Variants in ANKRD11 observed in about 807,000 individuals in gnomAD.
The protein encoded by ANKRD11 is ankyrin repeat domain-containing protein 11.
Under a neutral mutation model 195.7 loss-of-function variants are expected in ANKRD11, and 17 were observed. That is an observed-to-expected ratio of 0.09 (90% CI 0.06 to 0.13). ANKRD11 has a LOEUF of 0.13. ANKRD11 is among the 10% of genes least tolerant of loss of function. The probability of loss-of-function intolerance (pLI) is 1.00; values close to 1 mark genes in which losing one functional copy is unlikely to be tolerated. For synonymous variants in ANKRD11, 1,953 were observed against 1,528.1 expected, an observed-to-expected ratio of 1.28 and a Z score of -6.49; for missense variants, 3,735 against 3,566.1, an observed-to-expected ratio of 1.05 and a Z score of -1.21.
intron 4 of ANKRD11, chr16:89,300,907 G>A (rs998918241): frequency 1.9e-5 from 13 of 701,142 alleles, no homozygotes; most frequent in African/African-American, 5.2e-5. Context: ...GGCCCATGGC[G>A]CTCCTGACGA....
At chr16:89,357,578 A>G (rs1350790233) in intron 2 of ANKRD11, among the ~76,000 whole-genome samples, 1 of 152,230 alleles carries the variant, frequency 6.6e-6, no homozygotes, top group African/African-American at 2.4e-5. Flanking sequence ...TTCGACGTTC[A>G]CAGTTCACAC....
At chr16:89,290,875 T>C in intron 5 of ANKRD11, 47 bp from the exon 6 acceptor site, 1 of 1,611,146 alleles carries the variant, frequency 6.2e-7, no homozygotes, top group South Asian at 1.1e-5. Context: ...GGGGTGGTCC[T>C]GCTTTGTCCA....
chr16:89,453,737 C>T (rs1172751942), intron 1 of ANKRD11, among the ~76,000 whole-genome samples: 6 of 152,114 alleles, frequency 3.9e-5, no homozygotes, highest in Non-Finnish European at 7.3e-5. Context: ...CAAAAGAGAC[C>T]GGATGCCACT....
At chr16:89,349,406 G>A (rs919649232) in intron 2 of ANKRD11, among the ~76,000 whole-genome samples, 12 of 151,952 alleles carry the variant, frequency 7.9e-5, no homozygotes, top group Non-Finnish European at 1.2e-4. Context: ...CGTGAACCCG[G>A]GAGGCGGAGC....
intron 1 of ANKRD11, among the ~76,000 whole-genome samples, chr16:89,487,639 C>T (rs1220985180): frequency 6.6e-6 from 1 of 151,704 alleles, no homozygotes; most frequent in East Asian, 1.9e-4. Context: ...CCAGGCGTGG[C>T]GGTGGGCGCC....
chr16:89,362,896 C>A (rs971906279), intron 2 of ANKRD11, among the ~76,000 whole-genome samples: 3 of 152,006 alleles, frequency 2.0e-5, no homozygotes, highest in African/African-American at 7.3e-5. Flanking sequence ...GCTAGCCAAT[C>A]GGGACAAATA....
At chr16:89,394,717 T>C (rs746105790) in intron 2 of ANKRD11, among the ~76,000 whole-genome samples, 1 of 152,130 alleles carries the variant, frequency 6.6e-6, no homozygotes, top group African/African-American at 2.4e-5. Context: ...ACTGCTTTCA[T>C]ATACAGGAGT....
At chr16:89,458,642 T>G (rs1345755809) in intron 1 of ANKRD11, among the ~76,000 whole-genome samples, 1 of 152,250 alleles carries the variant, frequency 6.6e-6, no homozygotes, top group African/African-American at 2.4e-5. Context: ...AGTTCAGACA[T>G]GTTCCATTAA....
At chr16:89,342,035 C>CACGA (rs1567674263) in intron 2 of ANKRD11, among the ~76,000 whole-genome samples, 487 of 42,096 alleles carry the variant, frequency 0.012, 5 homozygotes, top group African/African-American at 0.027. Flanking sequence ...CTCCACTGCC[C>CACGA]ACAGCGGCCA....
At chr16:89,440,178 C>T (rs574156127) in intron 1 of ANKRD11, among the ~76,000 whole-genome samples, 5 of 152,186 alleles carry the variant, frequency 3.3e-5, no homozygotes, top group Non-Finnish European at 5.9e-5. Context: ...TGGCAGGGTT[C>T]ACAGGATTCT....
At chr16:89,439,063 A>G (rs1266074750) in intron 1 of ANKRD11, among the ~76,000 whole-genome samples, 3 of 152,122 alleles carry the variant, frequency 2.0e-5, no homozygotes, top group Non-Finnish European at 4.4e-5. Context: ...CAAAAAAAAA[A>G]AAGAACTGTA....
Position 89,291,206 on chromosome 16 carries a change from A to T in ANKRD11, c.227-23T>A. 1 of 1,611,464 alleles carries T rather than the reference A, an allele frequency of 6.2e-7. No homozygotes were observed. The highest frequency in any genetic ancestry group is 8.5e-7 in the Non-Finnish European group (1 of 1,179,848). On this transcript the variant is annotated intron_variant, in intron 4 of 12. Transcript: ENST00000301030. The surrounding 1 kb of genome is among the most constrained non-coding windows in gnomAD (Gnocchi z 5.3). ...TCTCTGTGAGGCGGGCGAGGGAGAGAGGGAGGAGAGATTTCATGCCATGGT... is the reference window on the plus strand; with the variant it reads ...TCTCTGTGAGGCGGGCGAGGGAGAGTGGGAGGAGAGATTTCATGCCATGGT...
At chr16:89,456,056 T>G (rs1056898725) in intron 1 of ANKRD11, among the ~76,000 whole-genome samples, 1 of 151,946 alleles carries the variant, frequency 6.6e-6, no homozygotes, top group African/African-American at 2.4e-5. Flanking sequence ...CTGGCCAACA[T>G]GCTGAAATCC....
At chr16:89,308,662 C>G (rs1019732255) in intron 3 of ANKRD11, among the ~76,000 whole-genome samples, 1 of 152,158 alleles carries the variant, frequency 6.6e-6, no homozygotes, top group African/African-American at 2.4e-5. Flanking sequence ...TTTCCCATGA[C>G]GTGTTCACAA....
intron 2 of ANKRD11, among the ~76,000 whole-genome samples, chr16:89,319,822 A>T (rs562511469): frequency 2.6e-5 from 4 of 152,318 alleles, no homozygotes; most frequent in Admixed American, 1.3e-4. Flanking sequence ...TCAATGAGAG[A>T]CCAGATGAGG....
chr16:89,391,728 TAAG>T (rs2041209296), intron 2 of ANKRD11, among the ~76,000 whole-genome samples: 1 of 152,212 alleles, frequency 6.6e-6, no homozygotes, highest in African/African-American at 2.4e-5. Context: ...AGCACACTTG[TAAG>T]AAGTAAAGCA....
intron 2 of ANKRD11, among the ~76,000 whole-genome samples, chr16:89,365,433 G>C (rs1385394617): frequency 6.6e-6 from 1 of 152,222 alleles, no homozygotes; most frequent in African/African-American, 2.4e-5. Context: ...AGCCCAACCA[G>C]GGTGCAGGGG....
chr16:89,308,777 A>T (rs1328044534), intron 3 of ANKRD11, among the ~76,000 whole-genome samples: 1 of 152,260 alleles, frequency 6.6e-6, no homozygotes, highest in East Asian at 1.9e-4. Flanking sequence ...ATACAAATGG[A>T]ATACCGCAGG....
At position 89,411,328 on chromosome 16, in the gene ANKRD11, G is replaced by A. The variant is rs531775633; in HGVS notation, c.-60+6956C>T. 2.3e-3 allele frequency among the ~76,000 whole-genome samples: 344 copies of A among 151,544 alleles called. 4 individuals are homozygous for A. Among genetic ancestry groups the A allele is most frequent in the African/African-American group, 6.4e-3 (263 of 41,214 alleles). On this transcript the variant is annotated intron_variant, in intron 2 of 12. Coordinates refer to ENST00000301030, the MANE Select transcript of ANKRD11 (RefSeq NM_013275.6). ...TGCCTTCAGAATCCCTGCACACAGC[G>A]GTGGGAAACCTTGACTGCACCGGAA...
Sources: allele counts gnomAD v4.1 joint callset (sites outside exome capture counted in the v4.1 genomes callset), GRCh38; gene constraint gnomAD v4.1.1; non-coding constraint Gnocchi (gnomAD v3.1); transcripts MANE v1.5; gene names NCBI Gene and HGNC (gene_info 2026-07-23, HGNC 2026-07-21).